Variants in COL17A1 observed in about 807,000 individuals in gnomAD.
COL17A1 encodes collagen type XVII alpha 1 chain.
COL17A1 carries 181 observed loss-of-function variants against 218.4 expected under a neutral mutation model. The ratio of observed to expected loss-of-function variants is 0.83; its 90% CI spans 0.73 to 0.94. The LOEUF is 0.94. Ranked by LOEUF, COL17A1 falls within the 40% of genes least tolerant of loss-of-function variation. COL17A1 has a pLI of 0.00. For missense variants in COL17A1, 1,924 were observed against 1,945.9 expected, an observed-to-expected ratio of 0.99 and a Z score of 0.21; for synonymous variants, 721 against 731.0, an observed-to-expected ratio of 0.99 and a Z score of 0.22.
At chr10:104,067,858 AAG>A (rs1305018459) in intron 9 of COL17A1, among the ~76,000 whole-genome samples, 1 of 152,284 alleles carries the variant, frequency 6.6e-6, no homozygotes, top group East Asian at 1.9e-4. Context: ...AAAAAGAAAA[AAG>A]AAAATAAGCG....
At chr10:104,065,746 C>G (rs1291541973) in intron 9 of COL17A1, among the ~76,000 whole-genome samples, 4 of 152,226 alleles carry the variant, frequency 2.6e-5, no homozygotes, top group Admixed American at 6.5e-5. Flanking sequence ...AGGATAGGTA[C>G]AGCCCACTTT....
At chr10:104,072,175 G>T in intron 7 of COL17A1, 96 bp from the exon 8 acceptor site, 1 of 1,556,542 alleles carries the variant, frequency 6.4e-7, no homozygotes. Flanking sequence ...CCTTTAGGCT[G>T]CTCTGACATT....
chr10:104,055,934 T>C lies in COL17A1; in HGVS notation c.1535A>G (p.Tyr512Cys), dbSNP rs773132495. The C allele has an allele frequency of 6.8e-6, 11 of 1,614,040 alleles. No homozygotes were observed. The South Asian group carries it at 7.7e-5, about 11-fold the overall frequency. The change falls in exon 18 of 56, where the codon TAT (tyrosine) becomes TGT (cysteine). Residue 512 changes from tyrosine to cysteine, a missense_variant. Transcript: ENST00000648076. ...TTCTATTCTATCCATGCTGTCCCCA[T>C]AGGGCAGTATGCTCCTCCTGATCCT... The part of the protein sequence containing the change: ...LERIRRSILP[Y>C]GDSMDRIEKD...
chr10:104,035,960 G>A (rs1480136405), intron 48 of COL17A1, among the ~76,000 whole-genome samples: 2 of 142,488 alleles, frequency 1.4e-5, no homozygotes, highest in Non-Finnish European at 3.1e-5. Context: ...GTGAGTACAG[G>A]AGTATGGGAG....
chr10:104,057,215 C>T, intron 16 of COL17A1, 43 bp from the exon 17 acceptor site: 1 of 1,613,702 alleles, frequency 6.2e-7, no homozygotes, highest in South Asian at 1.1e-5. Context: ...CAGGCAGCTC[C>T]TGCCTTTTCC....
intron 35 of COL17A1, 58 bp from the exon 36 acceptor site, chr10:104,042,513 A>G (rs1273493767): frequency 1.3e-6 from 2 of 1,557,232 alleles, no homozygotes; most frequent in African/African-American, 1.4e-5. Context: ...CATAGGAAGA[A>G]CTAAAGGCAT....
At chr10:104,032,829 C>T (rs1363306887) in intron 54 of COL17A1, 75 bp from the exon 55 acceptor site, 4 of 1,609,968 alleles carry the variant, frequency 2.5e-6, no homozygotes, top group African/African-American at 2.7e-5. Flanking sequence ...CGGTGTGGCA[C>T]CAGCACAGGA....
At chr10:104,068,997 C>A (rs530048265) in intron 9 of COL17A1, among the ~76,000 whole-genome samples, 24 of 152,148 alleles carry the variant, frequency 1.6e-4, no homozygotes, top group Non-Finnish European at 3.4e-4. Context: ...TCACTGGGGT[C>A]CCCAGGATAT....
rs373205740 is a variant in COL17A1, at chr10:104,055,863, C to T, written c.1606G>A (p.Asp536Asn). ...CTGTCACTGTGCAGCCCAATTTTGT[C>T]CAGGTCTGCTCCCGCCGCGGGTGCC... ...GMAPAAGADL[D>N]KIGLHSDSQE... The change falls in exon 18 of 56, where the codon GAC becomes AAC. Residue 536 changes from aspartate to asparagine, a missense_variant. Asp to Asn is a conservative substitution (Grantham distance 23, BLOSUM62 1). Transcript: ENST00000648076. 59 of 1,614,100 alleles carry T rather than the reference C, an allele frequency of 3.7e-5. No homozygotes were observed. In the Middle Eastern group the frequency reaches 8.2e-4, roughly 22 times the overall value.
At chr10:104,064,696 C>T (rs1019073195) in intron 9 of COL17A1, 100 bp from the exon 10 acceptor site, 7 of 1,129,810 alleles carry the variant, frequency 6.2e-6, no homozygotes, top group East Asian at 5.1e-5. Context: ...CTGGTTTGGG[C>T]ATTGAAAGCC....
intron 48 of COL17A1, 45 bp downstream of exon 48, chr10:104,036,447 A>T (rs1237792655): frequency 6.2e-7 from 1 of 1,612,888 alleles, no homozygotes; most frequent in Non-Finnish European, 8.5e-7. Flanking sequence ...TCCTCATCCC[A>T]GTCATCCCAG....
chr10:104,077,281 A>G lies in COL17A1; in HGVS notation c.202+141T>C, dbSNP rs188620775. 1.4e-5 allele frequency: 10 copies of G among 733,472 alleles called. No homozygotes were observed. In the African/African-American group the frequency reaches 1.6e-4, roughly 11 times the overall value. 45.4% of individuals were successfully genotyped at this position (733,472 alleles called of 1,614,324 possible). On this transcript the variant is annotated intron_variant, in intron 4 of 55. Coordinates refer to ENST00000648076, the MANE Select transcript of COL17A1 (RefSeq NM_000494.4). Reference sequence around the variant, plus strand: ...TAGATAACTCTCAGGGGGATTTGGAATGGATGACAGGTGATTGTAATTGTC... The same window carrying G: ...TAGATAACTCTCAGGGGGATTTGGAGTGGATGACAGGTGATTGTAATTGTC...
At chr10:104,055,669 G>T in intron 18 of COL17A1, 113 bp downstream of exon 18, 1 of 1,432,576 alleles carries the variant, frequency 7.0e-7, no homozygotes, top group Non-Finnish European at 9.6e-7. Flanking sequence ...GGGGAGGAGA[G>T]AGGCCGAGAG....
chr10:104,043,701 C>A, intron 34 of COL17A1, 120 bp from the exon 35 acceptor site: 1 of 1,507,640 alleles, frequency 6.6e-7, no homozygotes, highest in South Asian at 1.1e-5. Context: ...GCTAAATTTC[C>A]CTCCTCCCCC....
At position 104,034,742 on chromosome 10, in the gene COL17A1, G is replaced by A. The variant is rs745421203; in HGVS notation, c.3645C>T (p.Gly1215=). 6.2e-7 allele frequency: 1 copy of A among 1,612,700 alleles called. No individual in the cohort carries two copies. The highest frequency in any genetic ancestry group is 8.5e-7 in the Non-Finnish European group (1 of 1,179,690). The change falls in exon 51 of 56, where the codon GGC becomes GGT. Residue 1215 remains glycine, a synonymous_variant. Coordinates refer to ENST00000648076, the MANE Select transcript of COL17A1 (RefSeq NM_000494.4). ...CTGGGGGACCAGGAGGTCCTGGAGGGCCTGGGATGAATGACAAGCCGGCAG... is the reference window on the plus strand; with the variant it reads ...CTGGGGGACCAGGAGGTCCTGGAGGACCTGGGATGAATGACAAGCCGGCAG... ...LHTAGLSFIP[G]PPGPPGPPGP...
At chr10:104,058,624 G>T (rs2086553735) in intron 15 of COL17A1, among the ~76,000 whole-genome samples, 2 of 152,104 alleles carry the variant, frequency 1.3e-5, no homozygotes, top group African/African-American at 4.8e-5. Context: ...TCCTGAGTCC[G>T]TGATGCTATT....
intron 50 of COL17A1, among the ~76,000 whole-genome samples, 166 bp downstream of exon 50, chr10:104,035,097 C>A (rs11596890): frequency 6.6e-6 from 1 of 152,198 alleles, no homozygotes; most frequent in African/African-American, 2.4e-5. Context: ...TCTGTCCCTG[C>A]CACGGCTGAA....
chr10:104,039,632 C>A lies in COL17A1; in HGVS notation c.2797G>T (p.Gly933Cys). ...PGPRGHQGEQ[G>C]LPGFSTSGSS... ...CCTGAGGTTGAGAAACCTGGGAGGC[C>A]TTGCTCGCCTGAGGAACACACCAAG... Residue 933 changes from glycine (G) to cysteine (C), a missense_variant, in exon 42 of 56, where the codon GGC becomes TGC. Gly to Cys is a radical substitution (Grantham distance 159). Transcript: ENST00000648076. The A allele has an allele frequency of 6.2e-7, 1 of 1,614,146 alleles. No individual in the cohort carries two copies. Among genetic ancestry groups the A allele is most frequent in the Non-Finnish European group, 8.5e-7 (1 of 1,180,016 alleles).
intron 1 of COL17A1, among the ~76,000 whole-genome samples, chr10:104,085,406 C>CTA (rs2134671670): frequency 6.6e-6 from 1 of 152,260 alleles, no homozygotes; most frequent in East Asian, 1.9e-4. Flanking sequence ...AAGCCCGTAT[C>CTA]ATATTCTAAA....
Sources: gnomAD v4.1 joint callset for allele counts (sites outside exome capture counted in the v4.1 genomes callset) on GRCh38, gnomAD v4.1.1 for gene constraint, MANE v1.5 for transcripts, NCBI Gene and HGNC (gene_info 2026-07-23, HGNC 2026-07-21) for gene names.